Variants in CADM2 observed in about 807,000 individuals in gnomAD.
CADM2 encodes immunoglobulin superfamily member 4D.
CADM2 carries 12 observed loss-of-function variants against 49.8 expected under a neutral mutation model. That is an observed-to-expected ratio of 0.24 (90% confidence interval 0.15 to 0.39). The LOEUF (loss-of-function observed/expected upper bound fraction) is 0.39, where lower values mean the gene tolerates loss of function less well. Ranked by LOEUF, CADM2 falls within the 10% of genes least tolerant of loss-of-function variation. The pLI, the probability that CADM2 is intolerant of heterozygous loss-of-function variation, is 1.00. For missense variants in CADM2, 378 were observed against 492.3 expected (o/e 0.77, Z 2.20); for synonymous variants, 214 against 175.4 (o/e 1.22, Z -1.74).
chr3:86,059,633 T>C (rs1239306793), intron 8 of CADM2, among the ~76,000 whole-genome samples: 8 of 152,214 alleles, frequency 5.3e-5, no homozygotes, highest in Admixed American at 2.0e-4. Flanking sequence ...TGTATTTATC[T>C]GAATAACAAT....
At chr3:85,458,063 C>T (rs1231807320) in intron 1 of CADM2, among the ~76,000 whole-genome samples, 1 of 152,178 alleles carries the variant, frequency 6.6e-6, no homozygotes, top group African/African-American at 2.4e-5. Flanking sequence ...TGGTCTACAT[C>T]AACTATTCCT....
At chr3:85,915,576 G>A (rs1039918018) in intron 6 of CADM2, among the ~76,000 whole-genome samples, 1 of 152,072 alleles carries the variant, frequency 6.6e-6, no homozygotes, top group Non-Finnish European at 1.5e-5. Context: ...AATGATAATA[G>A]CATCTCAATA....
chr3:85,651,577 A>G (rs2065043023), intron 1 of CADM2, among the ~76,000 whole-genome samples: 2 of 152,188 alleles, frequency 1.3e-5, no homozygotes, highest in African/African-American at 4.8e-5. Context: ...ACAAATCACA[A>G]TTTCTGATAT....
intron 1 of CADM2, among the ~76,000 whole-genome samples, chr3:85,319,793 G>A (rs2044555655): frequency 6.6e-6 from 1 of 152,202 alleles, no homozygotes; most frequent in East Asian, 1.9e-4. Flanking sequence ...GGGACAGGAG[G>A]AAGAGGATCA....
At chr3:85,124,810 A>C (rs1483914104) in intron 1 of CADM2, among the ~76,000 whole-genome samples, 1 of 152,198 alleles carries the variant, frequency 6.6e-6, no homozygotes, top group African/African-American at 2.4e-5. Context: ...TAAAGTGTTG[A>C]ATATCTCATG....
chr3:85,495,055 T>G (rs2039831790), intron 1 of CADM2, among the ~76,000 whole-genome samples: 3 of 152,212 alleles, frequency 2.0e-5, no homozygotes, highest in African/African-American at 7.2e-5. Flanking sequence ...ATTTTATTTT[T>G]GGGGGTAGAA....
chr3:85,492,201 T>C (rs1287108955), intron 1 of CADM2, among the ~76,000 whole-genome samples: 1 of 152,222 alleles, frequency 6.6e-6, no homozygotes, highest in African/African-American at 2.4e-5. Context: ...CTGAGTTATT[T>C]AACTTATTGA....
chr3:85,970,808 T>C (rs1441722048), intron 8 of CADM2, among the ~76,000 whole-genome samples: 4 of 151,514 alleles, frequency 2.6e-5, no homozygotes, highest in Admixed American at 6.6e-5. Context: ...ACTTTAATCT[T>C]TGATGAAATT....
intron 8 of CADM2, among the ~76,000 whole-genome samples, chr3:85,978,725 G>T (rs1727101093): frequency 6.6e-6 from 1 of 151,624 alleles, no homozygotes; most frequent in Non-Finnish European, 1.5e-5. Context: ...CATTTAACAT[G>T]CATTTACACA....
chr3:85,122,788 T>C (rs1020491677), intron 1 of CADM2, among the ~76,000 whole-genome samples: 6 of 152,074 alleles, frequency 3.9e-5, no homozygotes, highest in Non-Finnish European at 7.4e-5. Flanking sequence ...CTCAAGGAAA[T>C]ACCTTAAAGT....
At chr3:85,094,943 A>G (rs1575850355) in intron 1 of CADM2, among the ~76,000 whole-genome samples, 1 of 152,168 alleles carries the variant, frequency 6.6e-6, no homozygotes, top group East Asian at 1.9e-4. Flanking sequence ...TTAAGCATTA[A>G]TATGTGCCAG....
chr3:85,331,841 TGGAA>T (rs1484061708), intron 1 of CADM2, among the ~76,000 whole-genome samples: 1 of 152,092 alleles, frequency 6.6e-6, no homozygotes, highest in African/African-American at 2.4e-5. Flanking sequence ...TTCTTCTTTC[TGGAA>T]ATACTGTCTG....
At chr3:85,781,877 T>G (rs1308705768) in intron 2 of CADM2, among the ~76,000 whole-genome samples, 3 of 152,238 alleles carry the variant, frequency 2.0e-5, no homozygotes, top group Non-Finnish European at 4.4e-5. Flanking sequence ...GTAAAATGTT[T>G]GGCATTGGAA....
chr3:85,111,145 T>C (rs1296804005), intron 1 of CADM2, among the ~76,000 whole-genome samples: 1 of 151,944 alleles, frequency 6.6e-6, no homozygotes, highest in Admixed American at 6.6e-5. Flanking sequence ...GCTTTCCTTC[T>C]TGTTAATATT....
At chr3:84,992,266 T>A (rs1444205767) in intron 1 of CADM2, among the ~76,000 whole-genome samples, 2 of 152,194 alleles carry the variant, frequency 1.3e-5, no homozygotes, top group Admixed American at 6.5e-5. Flanking sequence ...AAAACAAAGT[T>A]TATTTTAAAA....
At chr3:85,886,064 TGTTC>T in intron 4 of CADM2, 122 bp from the exon 5 acceptor site, 1 of 1,388,260 alleles carries the variant, frequency 7.2e-7, no homozygotes, top group Non-Finnish European at 9.7e-7. Flanking sequence ...CATAGTAGTT[TGTTC>T]ATCTTGATCG....
At chr3:85,144,847 A>T (rs1300790347) in intron 1 of CADM2, among the ~76,000 whole-genome samples, 1 of 152,200 alleles carries the variant, frequency 6.6e-6, no homozygotes. Flanking sequence ...ATATAATCAC[A>T]ATGTTTTTGA....
At chr3:85,348,912 TC>T (rs1237558437) in intron 1 of CADM2, among the ~76,000 whole-genome samples, 2 of 152,164 alleles carry the variant, frequency 1.3e-5, no homozygotes, top group Non-Finnish European at 2.9e-5. Context: ...GTCTTGTTTT[TC>T]ATCAATGAAT....
chr3:85,706,042 G>A (rs2066938179), intron 1 of CADM2, among the ~76,000 whole-genome samples: 1 of 152,086 alleles, frequency 6.6e-6, no homozygotes, highest in South Asian at 2.1e-4. Context: ...GTAGAAATAA[G>A]TTACTTTTAT....
Sources: gnomAD v4.1 joint callset for allele counts (sites outside exome capture counted in the v4.1 genomes callset) on GRCh38, gnomAD v4.1.1 for gene constraint, MANE v1.5 for transcripts, NCBI Gene and HGNC (gene_info 2026-07-23, HGNC 2026-07-21) for gene names.